IQCM: variants seen among roughly 807,000 people sequenced by gnomAD.
IQCM encodes the protein IQ domain-containing protein M.
A neutral mutation model predicts 57.6 loss-of-function variants in IQCM; 45 were observed. The observed-to-expected ratio is 0.78, with a 90% confidence interval of 0.62 to 1.00. The LOEUF is 1.00. Ranked by LOEUF, IQCM falls within the 50% of genes least tolerant of loss-of-function variation. The probability of loss-of-function intolerance (pLI) is 0.00; values close to 1 mark genes in which losing one functional copy is unlikely to be tolerated. For missense variants in IQCM, 468 were observed against 511.6 expected, an observed-to-expected ratio of 0.91 and a Z score of 0.82; for synonymous variants, 148 against 158.9, an observed-to-expected ratio of 0.93 and a Z score of 0.51.
At chr4:149,368,333 G>A (rs1209180266) in intron 13 of IQCM, among the ~76,000 whole-genome samples, 1 of 151,998 alleles carries the variant, frequency 6.6e-6, no homozygotes, top group East Asian at 1.9e-4. Flanking sequence ...TATAAACTAT[G>A]AGAATAGAAT....
chr4:149,585,908 T>C (rs1459541208), intron 9 of IQCM, among the ~76,000 whole-genome samples: 1 of 151,734 alleles, frequency 6.6e-6, no homozygotes, highest in Non-Finnish European at 1.5e-5. Context: ...TCAGCCATCA[T>C]TCTTTAAAAT....
chr4:149,692,163 T>C (rs1256943209), intron 5 of IQCM, among the ~76,000 whole-genome samples: 2 of 152,198 alleles, frequency 1.3e-5, no homozygotes, highest in Admixed American at 6.5e-5. Flanking sequence ...ACTCTTCCCC[T>C]GCCACAGTGC....
intron 13 of IQCM, among the ~76,000 whole-genome samples, chr4:149,428,491 T>C (rs999503465): frequency 6.6e-6 from 1 of 151,868 alleles, no homozygotes; most frequent in African/African-American, 2.4e-5. Context: ...TAGCCCATTT[T>C]AGAAAACAGA....
intron 9 of IQCM, among the ~76,000 whole-genome samples, chr4:149,564,661 C>T (rs1005293618): frequency 1.3e-5 from 2 of 152,204 alleles, no homozygotes; most frequent in East Asian, 3.9e-4. Flanking sequence ...GTCTCCTAGG[C>T]TATATTTTTC....
intron 12 of IQCM, among the ~76,000 whole-genome samples, chr4:149,514,935 C>T (rs773214325): frequency 6.6e-6 from 1 of 152,100 alleles, no homozygotes; most frequent in Non-Finnish European, 1.5e-5. Flanking sequence ...GCTTCCTGCC[C>T]GTGAACATCA....
Position 149,742,660 on chromosome 4 carries a change from G to T in IQCM, c.32C>A (p.Ala11Glu). 8.1e-7 allele frequency: 1 copy of T among 1,231,020 alleles called. No homozygotes were observed. The highest frequency in any genetic ancestry group is 1.0e-6 in the Non-Finnish European group (1 of 987,090). The allele number at this position is 1,231,020 out of a possible 1,614,324, so 76.3% of individuals were successfully genotyped here. A position where few individuals can be genotyped will look rare whatever the true frequency, so the allele number is the denominator to read the frequency against. Reference protein sequence around the residue: MTTEEAMPEKAKCPTLEITKQ... With the variant: MTTEEAMPEKEKCPTLEITKQ... ...AGGTAAGCACAGATACTCACATTTT[G>T]CTTTTTCAGGCATAGCCTCTTCAGT... Residue 11 changes from alanine (A) to glutamate (E), a missense_variant, in exon 3 of 14, where the codon GCA (alanine) becomes GAA (glutamate). By Grantham distance (107) the Ala-to-Glu change is moderately radical. Coordinates refer to ENST00000636793, the MANE Select transcript of IQCM (RefSeq NM_001363507.2).
intron 12 of IQCM, among the ~76,000 whole-genome samples, chr4:149,492,332 A>G (rs144874592): frequency 6.6e-6 from 1 of 152,246 alleles, no homozygotes; most frequent in Non-Finnish European, 1.5e-5. Flanking sequence ...AAAAAAGATT[A>G]TGACCTAAAA....
chr4:149,713,618 T>A (rs972896781), intron 5 of IQCM, among the ~76,000 whole-genome samples: 8 of 152,214 alleles, frequency 5.3e-5, no homozygotes, highest in African/African-American at 1.4e-4. Flanking sequence ...TTCAGCTGCT[T>A]TTTTTGCTTC....
chr4:149,617,879 A>G (rs1262085134), intron 8 of IQCM, among the ~76,000 whole-genome samples: 3 of 152,206 alleles, frequency 2.0e-5, no homozygotes, highest in African/African-American at 7.2e-5. Flanking sequence ...ATGGAAAAGC[A>G]TCCCAGTCTC....
chr4:149,561,711 T>C (rs1053564227), intron 10 of IQCM, among the ~76,000 whole-genome samples: 1 of 152,082 alleles, frequency 6.6e-6, no homozygotes, highest in Non-Finnish European at 1.5e-5. Context: ...GTTAAAGTGA[T>C]GGAGTATATA....
chr4:149,583,453 T>A (rs967160124), intron 9 of IQCM, among the ~76,000 whole-genome samples: 7 of 151,686 alleles, frequency 4.6e-5, no homozygotes, highest in Admixed American at 3.9e-4. Context: ...ACCTATCAAT[T>A]GTTATATTCT....
chr4:149,478,905 C>A (rs1017219089), intron 12 of IQCM, among the ~76,000 whole-genome samples: 15 of 151,894 alleles, frequency 9.9e-5, no homozygotes, highest in African/African-American at 3.6e-4. Context: ...ATTATATATG[C>A]TTATTATTTT....
intron 8 of IQCM, among the ~76,000 whole-genome samples, chr4:149,602,111 T>C (rs1263362171): frequency 6.7e-6 from 1 of 149,766 alleles, no homozygotes; most frequent in Admixed American, 6.7e-5. Flanking sequence ...AATAAAAATA[T>C]ACAAGGAAAA....
At chr4:149,406,738 A>C (rs1424070883) in intron 13 of IQCM, among the ~76,000 whole-genome samples, 1 of 152,186 alleles carries the variant, frequency 6.6e-6, no homozygotes, top group African/African-American at 2.4e-5. Flanking sequence ...AATGTTTTCT[A>C]CTAAGATGCC....
At chr4:149,660,427 T>A (rs1331017990) in intron 7 of IQCM, among the ~76,000 whole-genome samples, 1 of 151,598 alleles carries the variant, frequency 6.6e-6, no homozygotes, top group Non-Finnish European at 1.5e-5. Context: ...AGTGTGGCGA[T>A]TCCTCAGGGA....
chr4:149,592,482 T>A (rs1753293360), intron 8 of IQCM, among the ~76,000 whole-genome samples: 1 of 152,096 alleles, frequency 6.6e-6, no homozygotes, highest in Admixed American at 6.6e-5. Flanking sequence ...TTTGTCAATT[T>A]TGGCTTTTGT....
At chr4:149,701,351 C>T (rs1436158992) in intron 5 of IQCM, among the ~76,000 whole-genome samples, 1 of 151,920 alleles carries the variant, frequency 6.6e-6, no homozygotes, top group Non-Finnish European at 1.5e-5. Context: ...ATTTAGTAAC[C>T]TTGACATAGC....
chr4:149,585,431 A>T (rs1752564409), intron 9 of IQCM, among the ~76,000 whole-genome samples: 1 of 151,698 alleles, frequency 6.6e-6, no homozygotes, highest in South Asian at 2.1e-4. Context: ...AAAGAAGAGA[A>T]TCTTAATATT....
intron 8 of IQCM, among the ~76,000 whole-genome samples, chr4:149,599,142 T>A (rs1179400296): frequency 6.6e-6 from 1 of 152,060 alleles, no homozygotes. Context: ...TTTTTCACAA[T>A]AAGAAATAAC....
Sources: allele counts gnomAD v4.1 joint callset (sites outside exome capture counted in the v4.1 genomes callset), GRCh38; gene constraint gnomAD v4.1.1; transcripts MANE v1.5; gene names NCBI Gene and HGNC (gene_info 2026-07-23, HGNC 2026-07-21).